The following UBE3A variants were observed in gnomAD, a reference collection of about 807,000 sequenced individuals.
The protein encoded by UBE3A is ubiquitin-protein ligase E3A.
A neutral mutation model predicts 83.4 loss-of-function variants in UBE3A; 6 were observed. That is an observed-to-expected ratio of 0.07 (90% CI 0.04 to 0.14). The LOEUF (loss-of-function observed/expected upper bound fraction) is 0.14, where lower values mean the gene tolerates loss of function less well. UBE3A is among the 10% of genes least tolerant of loss of function. The pLI, the probability that UBE3A is intolerant of heterozygous loss-of-function variation, is 1.00. For synonymous variants in UBE3A, 337 were observed against 355.4 expected (o/e 0.95, Z 0.58); for missense variants, 456 against 1,036.1 (o/e 0.44, Z 7.69).
intron 1 of UBE3A, among the ~76,000 whole-genome samples, chr15:25,436,893 G>T (rs898995925): frequency 6.6e-6 from 1 of 152,190 alleles, no homozygotes; most frequent in Non-Finnish European, 1.5e-5. Flanking sequence ...ATGTCCAGAG[G>T]ATAGTGAGCA....
At chr15:25,412,694 T>C (rs775904399) in intron 1 of UBE3A, among the ~76,000 whole-genome samples, 1 of 151,060 alleles carries the variant, frequency 6.6e-6, no homozygotes, top group African/African-American at 2.5e-5. Flanking sequence ...ATGTACTGCA[T>C]TACATATAAA....
intron 2 of UBE3A, 46 bp downstream of exon 2, chr15:25,411,862 A>G (rs2090060879): frequency 6.6e-6 from 1 of 152,178 alleles, no homozygotes; most frequent in Non-Finnish European, 1.5e-5. Context: ...TATGACATTA[A>G]GATACACATG....
chr15:25,362,573 C>T (rs1318743943), intron 6 of UBE3A, among the ~76,000 whole-genome samples: 1 of 152,098 alleles, frequency 6.6e-6, no homozygotes, highest in Non-Finnish European at 1.5e-5. Flanking sequence ...TTTGTGTCCC[C>T]AAAGGAACTT....
chr15:25,377,369 C>T (rs2081387469), intron 4 of UBE3A, among the ~76,000 whole-genome samples: 1 of 152,082 alleles, frequency 6.6e-6, no homozygotes, highest in Non-Finnish European at 1.5e-5. Context: ...AAAAAGAAAA[C>T]CCACAAAGCA....
chr15:25,395,515 G>C (rs531697400), intron 4 of UBE3A, among the ~76,000 whole-genome samples: 72 of 152,288 alleles, frequency 4.7e-4, no homozygotes, highest in African/African-American at 1.7e-3. Context: ...ATGTGACATA[G>C]AGAAATTAAA....
At chr15:25,382,182 G>A (rs1403720345) in intron 4 of UBE3A, among the ~76,000 whole-genome samples, 1 of 151,950 alleles carries the variant, frequency 6.6e-6, no homozygotes, top group Non-Finnish European at 1.5e-5. Context: ...TTAGCTGGGC[G>A]CCGTGGTGGG....
At chr15:25,365,532 A>C (rs2078942559) in intron 6 of UBE3A, among the ~76,000 whole-genome samples, 2 of 151,696 alleles carry the variant, frequency 1.3e-5, no homozygotes, top group African/African-American at 4.9e-5. Context: ...GCGGATCACG[A>C]GGTCAGGAGA....
chr15:25,334,572 C>A lies in UBE3A; in HGVS notation c.*4565G>T. 6.8e-6 allele frequency: 1 copy of A among 146,952 alleles called. No individual in the cohort carries two copies. The highest frequency in any genetic ancestry group is 1.5e-5 in the Non-Finnish European group (1 of 67,274). The allele number at this position is 146,952 out of a possible 1,614,324, so 9.1% of individuals were successfully genotyped here. ...ATCATATAAAAATTCATATGCAATG[C>A]AAGGGACCCAAAACAGACAAAATGA... On this transcript the variant is annotated 3_prime_UTR_variant, in exon 13 of 13. Transcript: ENST00000648336.
At position 25,336,511 on chromosome 15, in the gene UBE3A, C is replaced by CG. The variant is rs551370748; in HGVS notation, c.*2625dup. On this transcript the variant is annotated 3_prime_UTR_variant, in exon 13 of 13. Transcript: ENST00000648336. ...TGTACCGAGGAGGGATGAGTAACAT[C>CG]GGCAAGTTCTGTTCGAAGCCTTTTT... is the stretch of plus-strand genomic sequence containing the variant. 6.6e-6 allele frequency: 1 copy of CG among 152,166 alleles called. No individual in the cohort carries two copies. Among genetic ancestry groups the CG allele is most frequent in the Non-Finnish European group, 1.5e-5 (1 of 68,034 alleles). 9.4% of individuals were successfully genotyped at this position (152,166 alleles called of 1,614,324 possible).
intron 4 of UBE3A, among the ~76,000 whole-genome samples, chr15:25,392,412 A>G (rs1030363095): frequency 2.6e-5 from 4 of 152,158 alleles, no homozygotes; most frequent in Non-Finnish European, 5.9e-5. Flanking sequence ...GGGATCAGCT[A>G]TTAGATACTT....
In UBE3A at chr15:25,335,084, T is replaced by G. The variant is rs1289313160; in HGVS notation, c.*4053A>C. 1 of 152,122 alleles carries G rather than the reference T, an allele frequency of 6.6e-6. No homozygotes were observed. Among genetic ancestry groups the G allele is most frequent in the African/African-American group, 2.4e-5 (1 of 41,422 alleles). The allele number at this position is 152,122 out of a possible 1,614,324, so 9.4% of individuals were successfully genotyped here. On this transcript the variant is annotated 3_prime_UTR_variant, in exon 13 of 13. Coordinates refer to ENST00000648336, the MANE Select transcript of UBE3A (RefSeq NM_130839.5). Reference sequence around the variant, plus strand: ...AGAAAAAAAGATGTAAGAAAATTCCTTAACTGAAATGTGGAAAGAGTATCA... The same window carrying G: ...AGAAAAAAAGATGTAAGAAAATTCCGTAACTGAAATGTGGAAAGAGTATCA...
chr15:25,349,147 G>A (rs1595499662), intron 11 of UBE3A, among the ~76,000 whole-genome samples: 1 of 152,142 alleles, frequency 6.6e-6, no homozygotes, highest in Non-Finnish European at 1.5e-5. Context: ...TTCAACAAAG[G>A]TGCAAAGGCA....
rs763745332 is a variant in UBE3A, at chr15:25,383,971, G to A, written c.63-8208C>T. 5.3e-5 allele frequency among the ~76,000 whole-genome samples: 8 copies of A among 152,028 alleles called. 1 individual carries two copies. Among genetic ancestry groups the A allele is most frequent in the South Asian group, 4.2e-4 (2 of 4,818 alleles). On this transcript the variant is annotated intron_variant, in intron 4 of 12. Transcript: ENST00000648336. ...TAGCCTACCAAAAAGAAAAAAAACCGTTAGAATAAAGGAATTCAGTAAAGT... is the reference window on the plus strand; with the variant it reads ...TAGCCTACCAAAAAGAAAAAAAACCATTAGAATAAAGGAATTCAGTAAAGT...
intron 3 of UBE3A, among the ~76,000 whole-genome samples, chr15:25,406,856 G>GAAAAAAAAAAAA (rs11413336): frequency 8.7e-6 from 1 of 114,684 alleles, no homozygotes; most frequent in Non-Finnish European, 1.7e-5. Flanking sequence ...AATGGAAAAG[G>GAAAAAAAAAAAA]AAAAAAAAAA....
chr15:25,435,761 A>T (rs1286973384), intron 1 of UBE3A, among the ~76,000 whole-genome samples: 1 of 152,208 alleles, frequency 6.6e-6, no homozygotes, highest in East Asian at 1.9e-4. Context: ...TAGCAGCCAG[A>T]ACAGACTAAG....
intron 1 of UBE3A, among the ~76,000 whole-genome samples, chr15:25,421,735 C>T (rs1410151195): frequency 6.6e-6 from 1 of 151,690 alleles, no homozygotes; most frequent in Non-Finnish European, 1.5e-5. Context: ...ATTTTAGTAC[C>T]ACTTAAAAAA....
At chr15:25,359,907 C>T (rs2077788522) in intron 7 of UBE3A, among the ~76,000 whole-genome samples, 1 of 152,130 alleles carries the variant, frequency 6.6e-6, no homozygotes, top group African/African-American at 2.4e-5. Flanking sequence ...CTATATTAAG[C>T]CCCAAGAAAT....
intron 4 of UBE3A, among the ~76,000 whole-genome samples, chr15:25,388,233 A>C (rs778311929): frequency 6.6e-5 from 10 of 152,210 alleles, no homozygotes; most frequent in Non-Finnish European, 1.3e-4. Flanking sequence ...GTATTAGCAA[A>C]CTAAATTTTA....
At chr15:25,421,926 C>T (rs1889927410) in intron 1 of UBE3A, 1 of 152,072 alleles carries the variant, frequency 6.6e-6, no homozygotes, top group African/African-American at 2.4e-5. Context: ...ATAAACTTAC[C>T]ATGTGACCCA....
Sources: allele counts gnomAD v4.1 joint callset (sites outside exome capture counted in the v4.1 genomes callset), GRCh38; gene constraint gnomAD v4.1.1; transcripts MANE v1.5; gene names NCBI Gene and HGNC (gene_info 2026-07-23, HGNC 2026-07-21).